The following QKI variants were observed in gnomAD, a reference collection of about 807,000 sequenced individuals.
The protein encoded by QKI is QKI, KH domain containing RNA binding.
A neutral mutation model predicts 39.0 loss-of-function variants in QKI; 10 were observed. The observed-to-expected ratio is 0.26, with a 90% confidence interval of 0.16 to 0.43. The LOEUF (loss-of-function observed/expected upper bound fraction) is 0.43. QKI is among the 20% of genes least tolerant of loss of function. The pLI, the probability that QKI is intolerant of heterozygous loss-of-function variation, is 1.00. For synonymous variants in QKI, 204 were observed against 155.4 expected (o/e 1.31, Z -2.33); for missense variants, 218 against 428.0 (o/e 0.51, Z 4.33).
At chr6:163,521,026 C>G (rs950637614) in intron 3 of QKI, among the ~76,000 whole-genome samples, 8 of 152,026 alleles carry the variant, frequency 5.3e-5, no homozygotes, top group Non-Finnish European at 5.9e-5. Context: ...TAAAATTACC[C>G]TTGGTTTTTT....
rs1469027648 is a variant in QKI at position 163,575,197 on chromosome 6, A to C, written c.*4487A>C. ...TTCGAAGCTGTCTGTCAAGCTGCTA[A>C]TATACAAGTTGTCATGGTACCATGT... On this transcript the variant is annotated 3_prime_UTR_variant, in exon 8 of 8. Coordinates refer to ENST00000361752, the MANE Select transcript of QKI (RefSeq NM_006775.3). The C allele has an allele frequency of 6.6e-6, 1 of 152,228 alleles. No individual in the cohort carries two copies. The highest frequency in any genetic ancestry group is 1.5e-5 in the Non-Finnish European group (1 of 68,048). The allele number at this position is 152,228 out of a possible 1,614,324, so 9.4% of individuals were successfully genotyped here. A position where few individuals can be genotyped will look rare whatever the true frequency, so the allele number is the denominator to read the frequency against.
At chr6:163,564,418 A>T in intron 6 of QKI, 1 of 1,368,050 alleles carries the variant, frequency 7.3e-7, no homozygotes, top group African/African-American at 1.5e-5. Flanking sequence ...AAATGTTGTT[A>T]TGCAGGCATG....
chr6:163,417,294 T>TA (rs1787602819), intron 1 of QKI, among the ~76,000 whole-genome samples: 1 of 152,102 alleles, frequency 6.6e-6, no homozygotes, highest in Non-Finnish European at 1.5e-5. Context: ...GAATCCTTTA[T>TA]CGACGATAAA....
chr6:163,543,381 GTGT>G (rs140940585), intron 4 of QKI, among the ~76,000 whole-genome samples: 4,231 of 152,034 alleles, frequency 0.028, 189 homozygotes, highest in African/African-American at 0.096. Flanking sequence ...GTAAAGAAAG[GTGT>G]TGTTACTGAT....
At chr6:163,520,069 A>G (rs889840679) in intron 3 of QKI, among the ~76,000 whole-genome samples, 3 of 152,164 alleles carry the variant, frequency 2.0e-5, no homozygotes, top group South Asian at 4.1e-4. Context: ...GAAGCAAACA[A>G]TTTTTGATTC....
At chr6:163,523,171 T>C (rs563420920) in intron 3 of QKI, among the ~76,000 whole-genome samples, 2 of 152,364 alleles carry the variant, frequency 1.3e-5, no homozygotes, top group Non-Finnish European at 2.9e-5. Context: ...TTCAGTTCTT[T>C]AGTTTTGTGT....
chr6:163,463,779 A>G (rs1583032923), intron 2 of QKI, among the ~76,000 whole-genome samples: 2 of 152,234 alleles, frequency 1.3e-5, no homozygotes, highest in African/African-American at 4.8e-5. Context: ...AGCAGAAGAC[A>G]GTATTTGTGA....
intron 3 of QKI, among the ~76,000 whole-genome samples, chr6:163,501,606 A>G (rs1778769970): frequency 6.6e-6 from 1 of 152,220 alleles, no homozygotes; most frequent in Admixed American, 6.5e-5. Context: ...ACTGAGCAGT[A>G]AATTTATGCT....
At chr6:163,505,193 C>A (rs748072701) in intron 3 of QKI, among the ~76,000 whole-genome samples, 3 of 152,138 alleles carry the variant, frequency 2.0e-5, no homozygotes, top group Admixed American at 1.3e-4. Context: ...TATGGAAACG[C>A]CTGGATGTCC....
At chr6:163,501,050 C>T (rs1311607242) in intron 3 of QKI, among the ~76,000 whole-genome samples, 2 of 152,084 alleles carry the variant, frequency 1.3e-5, no homozygotes, top group South Asian at 2.1e-4. Context: ...TAATACTTGG[C>T]AGTATTTTTT....
intron 3 of QKI, among the ~76,000 whole-genome samples, chr6:163,520,506 T>A (rs1780082701): frequency 6.6e-6 from 1 of 152,130 alleles, no homozygotes; most frequent in Admixed American, 6.6e-5. Context: ...CAGCTATTTT[T>A]TACCTGTTTT....
intron 4 of QKI, among the ~76,000 whole-genome samples, chr6:163,538,120 A>T (rs1308941713): frequency 1.3e-5 from 2 of 152,300 alleles, no homozygotes; most frequent in Non-Finnish European, 2.9e-5. Flanking sequence ...TGGGCCTTGT[A>T]GTTCATTCAA....
chr6:163,496,771 T>C (rs929863879), intron 3 of QKI, among the ~76,000 whole-genome samples: 3 of 152,178 alleles, frequency 2.0e-5, no homozygotes, highest in Admixed American at 6.5e-5. Flanking sequence ...TCTGCCCTTA[T>C]GTATGTGTAA....
At chr6:163,489,476 C>G (rs1378270553) in intron 3 of QKI, among the ~76,000 whole-genome samples, 1 of 150,584 alleles carries the variant, frequency 6.6e-6, no homozygotes, top group Non-Finnish European at 1.5e-5. Context: ...AAAGTCATTA[C>G]TGTTATGAAC....
intron 3 of QKI, among the ~76,000 whole-genome samples, chr6:163,515,083 G>A (rs1335294310): frequency 6.6e-6 from 1 of 152,104 alleles, no homozygotes; most frequent in Non-Finnish European, 1.5e-5. Flanking sequence ...CAAAGTGTGT[G>A]AACAGGCAAT....
Position 163,415,107 on chromosome 6 carries a change from C to T in QKI, c.-87C>T. 1 of 1,052,586 alleles carries T rather than the reference C, an allele frequency of 9.5e-7. No homozygotes were observed. The highest frequency in any genetic ancestry group is 1.8e-5 in the African/African-American group (1 of 56,708). The allele number at this position is 1,052,586 out of a possible 1,614,324, so 65.2% of individuals were successfully genotyped here. On this transcript the variant is annotated 5_prime_UTR_variant, in exon 1 of 8. Transcript: ENST00000361752. ...AGCGGGACGCCGGGTCCCGAGCGGC[C>T]CGCGGCCGGGGCTCGCCCCCGCCCC...
At chr6:163,550,095 T>C (rs1306366810) in intron 4 of QKI, among the ~76,000 whole-genome samples, 2 of 152,200 alleles carry the variant, frequency 1.3e-5, no homozygotes, top group Non-Finnish European at 2.9e-5. Context: ...CTGTTCCTTA[T>C]AACAATACCT....
At chr6:163,432,070 G>A (rs1022892273) in intron 1 of QKI, among the ~76,000 whole-genome samples, 4 of 152,088 alleles carry the variant, frequency 2.6e-5, no homozygotes, top group African/African-American at 9.7e-5. Context: ...TCCCCTCTAA[G>A]CAGAATAATG....
At chr6:163,544,398 A>G (rs1781740107) in intron 4 of QKI, among the ~76,000 whole-genome samples, 1 of 152,082 alleles carries the variant, frequency 6.6e-6, no homozygotes, top group Non-Finnish European at 1.5e-5. Context: ...TTCCCCGCAG[A>G]TAATGAGGGA....
Sources: allele counts gnomAD v4.1 joint callset (sites outside exome capture counted in the v4.1 genomes callset), GRCh38; gene constraint gnomAD v4.1.1; transcripts MANE v1.5; gene names NCBI Gene and HGNC (gene_info 2026-07-23, HGNC 2026-07-21).